The following CAST variants were observed in gnomAD, a reference collection of about 807,000 sequenced individuals.
The protein encoded by CAST is calpastatin, also known as MIR583 host.
In CAST, 76 loss-of-function variants were observed where a neutral mutation model predicts 119.6. The observed-to-expected ratio is 0.64, with a 90% CI of 0.53 to 0.77. CAST has a LOEUF of 0.77. Ranked by LOEUF, CAST falls within the 30% of genes least tolerant of loss-of-function variation. The pLI is 0.00. For synonymous variants in CAST, 319 were observed against 331.6 expected (o/e 0.96, Z 0.41); for missense variants, 953 against 946.5 (o/e 1.01, Z -0.09).
the CAST span, among the ~76,000 whole-genome samples, chr5:96,088,592 T>C: frequency 6.6e-6 from 1 of 152,228 alleles, no homozygotes; most frequent in Non-Finnish European, 1.5e-5. Flanking sequence ...ATATTAGTGT[T>C]GCAAATCCAT....
chr5:96,564,809 C>G (rs1746439084), intron 1 of CAST, among the ~76,000 whole-genome samples: 1 of 152,068 alleles, frequency 6.6e-6, no homozygotes, highest in African/African-American at 2.4e-5. Context: ...TACTCAGGAG[C>G]CTGAGGTGGG....
chr5:96,166,746 A>G, the CAST span, among the ~76,000 whole-genome samples: 2 of 152,184 alleles, frequency 1.3e-5, no homozygotes, highest in Admixed American at 1.3e-4. Context: ...ATCATACAGG[A>G]CCCAAACTTC....
chr5:96,162,481 G>A, the CAST span, among the ~76,000 whole-genome samples: 2 of 152,076 alleles, frequency 1.3e-5, no homozygotes, highest in Non-Finnish European at 2.9e-5. Flanking sequence ...GCAGTGGGGT[G>A]ATCTTGGCTC....
chr5:96,768,884 GT>G (rs1771058789), intron 29 of CAST: 1 of 155,482 alleles, frequency 6.4e-6, no homozygotes, highest in South Asian at 2.0e-4. Flanking sequence ...CTTGCTCTCT[GT>G]TACCTCTCTG....
chr5:96,105,903 T>C, the CAST span, among the ~76,000 whole-genome samples: 38 of 152,296 alleles, frequency 2.5e-4, no homozygotes, highest in Middle Eastern at 3.4e-3. Context: ...ATTATTGCCG[T>C]AATTTCAGAT....
intron 4 of CAST, 138 bp downstream of exon 4, chr5:96,722,836 T>C (rs1344092167): frequency 1.5e-6 from 1 of 669,686 alleles, no homozygotes. Flanking sequence ...TTCTTCCTAA[T>C]TTATGGGGGT....
chr5:96,295,207 A>T, the CAST span, among the ~76,000 whole-genome samples: 31 of 152,326 alleles, frequency 2.0e-4, no homozygotes, highest in African/African-American at 7.2e-4. Context: ...TGCTTTTTGA[A>T]TCTCTCTTTT....
rs543726629 is a variant in CAST, at chr5:96,646,349, G to C, written c.61-29190G>C. On this transcript the variant is annotated intron_variant, in intron 1 of 11. Coordinates refer to the CAST transcript ENST00000505143. ...TTCATTACAGCATCGTTTAATAACA[G>C]GGAAAAACTGAAACCAGCTAAGTGG... is the stretch of plus-strand genomic sequence containing the variant. Among the ~76,000 whole-genome samples the C allele has an allele frequency of 2.5e-3, 388 of 152,314 alleles. 1 individual carries two copies. Among genetic ancestry groups the C allele is most frequent in the South Asian group, 4.1e-3 (20 of 4,828 alleles).
intron 1 of CAST, among the ~76,000 whole-genome samples, chr5:96,587,882 TTTA>T (rs1351420845): frequency 1.3e-5 from 2 of 152,216 alleles, no homozygotes; most frequent in African/African-American, 4.8e-5. Context: ...AGCTTCTATT[TTTA>T]TTAACTGTGG....
rs772559009 is a variant in CAST at position 96,747,354 on chromosome 5, G to A, written c.1294G>A (p.Gly432Arg). ...YRLKPATDKD[G>R]KPLLPEPEEK... ...TTAATTTCATTTACAGGATAAAGAT[G>A]GAAAACCACTATTGCCAGAGCCTGA... The change falls in exon 18 of 32, where the codon GGA becomes AGA. Residue 432 changes from glycine to arginine, a missense_variant. Transcript: ENST00000675179. 2.1e-5 allele frequency: 33 copies of A among 1,598,860 alleles called. No homozygotes were observed. The East Asian group carries it at 6.5e-4, about 31-fold the overall frequency.
chr5:96,467,597 A>G, the CAST span, among the ~76,000 whole-genome samples: 2 of 152,016 alleles, frequency 1.3e-5, no homozygotes, highest in East Asian at 3.9e-4. Context: ...GCAGCATGGT[A>G]CCCTGGATTT....
the CAST span, among the ~76,000 whole-genome samples, chr5:96,059,483 A>G: frequency 1.3e-5 from 2 of 152,148 alleles, no homozygotes; most frequent in Non-Finnish European, 2.9e-5. Context: ...ATCTAAGGCT[A>G]TTTACTCAGG....
chr5:96,656,636 C>T (rs978081222), intron 1 of CAST, among the ~76,000 whole-genome samples: 4 of 152,164 alleles, frequency 2.6e-5, no homozygotes, highest in Non-Finnish European at 5.9e-5. Flanking sequence ...CAGTCCCCAC[C>T]TCCCAATGAG....
chr5:96,139,832 T>C, the CAST span, among the ~76,000 whole-genome samples: 1 of 152,056 alleles, frequency 6.6e-6, no homozygotes, highest in East Asian at 1.9e-4. Context: ...ACAATAGAAG[T>C]GGTATTAAAT....
chr5:96,580,897 G>A (rs1156557641), intron 1 of CAST, among the ~76,000 whole-genome samples: 1 of 152,216 alleles, frequency 6.6e-6, no homozygotes, highest in African/African-American at 2.4e-5. Context: ...TCAGGAACAG[G>A]ATGACTGCTT....
the CAST span, among the ~76,000 whole-genome samples, chr5:96,241,413 A>G: frequency 6.6e-6 from 1 of 151,722 alleles, no homozygotes; most frequent in Non-Finnish European, 1.5e-5. Context: ...TTATGGCTGC[A>G]TAGTATTCCA....
At chr5:96,598,971 A>G (rs893516167) in intron 1 of CAST, among the ~76,000 whole-genome samples, 1 of 152,020 alleles carries the variant, frequency 6.6e-6, no homozygotes, top group East Asian at 1.9e-4. Flanking sequence ...GCACTATACC[A>G]CAGGCTTCTC....
At chr5:96,515,091 G>T in the CAST span, among the ~76,000 whole-genome samples, 1 of 152,074 alleles carries the variant, frequency 6.6e-6, no homozygotes, top group Non-Finnish European at 1.5e-5. Flanking sequence ...TTTTTCTGTG[G>T]TAGAGATTGT....
chr5:96,002,723 A>C, the CAST span, among the ~76,000 whole-genome samples: 3 of 152,310 alleles, frequency 2.0e-5, no homozygotes, highest in South Asian at 6.2e-4. Context: ...TGCCTACTAC[A>C]TTGGATAAGG....
Sources: allele counts gnomAD v4.1 joint callset (sites outside exome capture counted in the v4.1 genomes callset), GRCh38; gene constraint gnomAD v4.1.1; transcripts MANE v1.5; gene names NCBI Gene and HGNC (gene_info 2026-07-23, HGNC 2026-07-21).